ACACA: variants seen among roughly 807,000 people sequenced by gnomAD.
ACACA encodes the protein acetyl-CoA carboxylase alpha.
A neutral mutation model predicts 296.1 loss-of-function variants in ACACA; 103 were observed. That is an observed-to-expected ratio of 0.35 (90% CI 0.30 to 0.41). The LOEUF is 0.41. ACACA is among the 10% of genes least tolerant of loss of function. The pLI, the probability that ACACA is intolerant of heterozygous loss-of-function variation, is 1.00. For missense variants in ACACA, 1,554 were observed against 2,989.7 expected (o/e 0.52, Z 11.20); for synonymous variants, 953 against 1,038.6 (o/e 0.92, Z 1.58).
At position 37,263,680 on chromosome 17, in the gene ACACA, T is replaced by C. The variant is rs2081617342; in HGVS notation, c.1329+5A>G. Reference sequence around the variant, plus strand: ...AACATAAAGTAAGCCTTTTAATATATGTACCTGTTCCATGTGTTCAAATAC... The same window carrying C: ...AACATAAAGTAAGCCTTTTAATATACGTACCTGTTCCATGTGTTCAAATAC... On this transcript the variant is annotated splice_donor_5th_base_variant and intron_variant, in intron 11 of 55. Coordinates refer to ENST00000616317, the MANE Select transcript of ACACA (RefSeq NM_198834.3). The C allele has an allele frequency of 6.2e-7, 1 of 1,611,976 alleles. No homozygotes were observed. The highest frequency in any genetic ancestry group is 1.7e-4 in the Middle Eastern group (1 of 5,968).
intron 1 of ACACA, chr17:37,375,989 C>G: frequency 1.1e-6 from 1 of 920,128 alleles, no homozygotes; most frequent in Non-Finnish European, 1.7e-6. Flanking sequence ...CAGGGTCAAA[C>G]TTGGTTCCAG....
At chr17:37,208,502 T>C (rs1219786044) in intron 30 of ACACA, among the ~76,000 whole-genome samples, 1 of 152,146 alleles carries the variant, frequency 6.6e-6, no homozygotes, top group Non-Finnish European at 1.5e-5. Context: ...CGTTTTTCTT[T>C]TCATAGTTAA....
Position 37,087,064 on chromosome 17 carries a change from C to T in ACACA, c.*252G>A, listed in dbSNP as rs770857212. The T allele has an allele frequency of 5.1e-6, 3 of 590,730 alleles. No homozygotes were observed. Among genetic ancestry groups the T allele is most frequent in the Non-Finnish European group, 9.1e-6 (3 of 330,164 alleles). The allele number at this position is 590,730 out of a possible 1,614,324, so 36.6% of individuals were successfully genotyped here. ...CTTTCATTGCCTTCTCAGTCCTGTG[C>T]AGGGAGTGGAGGACTAGGCCTGGCC... On this transcript the variant is annotated 3_prime_UTR_variant, in exon 56 of 56. Coordinates refer to ENST00000616317, the MANE Select transcript of ACACA (RefSeq NM_198834.3).
intron 39 of ACACA, among the ~76,000 whole-genome samples, chr17:37,183,806 AAAAG>A (rs1567778557): frequency 1.3e-5 from 2 of 151,108 alleles, no homozygotes; most frequent in Non-Finnish European, 2.9e-5. Context: ...GGAAAAAAAA[AAAAG>A]AAAGAAAGAA....
At chr17:37,184,913 A>G (rs964595947) in intron 39 of ACACA, among the ~76,000 whole-genome samples, 1 of 152,198 alleles carries the variant, frequency 6.6e-6, no homozygotes, top group Non-Finnish European at 1.5e-5. Context: ...ACATACACAT[A>G]ATCTATGCAA....
chr17:37,090,529 C>T (rs910468999), intron 54 of ACACA, among the ~76,000 whole-genome samples: 1 of 152,096 alleles, frequency 6.6e-6, no homozygotes, highest in Non-Finnish European at 1.5e-5. Flanking sequence ...TGTGTGGCCC[C>T]GTCAGTGCAA....
chr17:37,132,962 G>C (rs138174433), intron 45 of ACACA, among the ~76,000 whole-genome samples: 36 of 152,270 alleles, frequency 2.4e-4, no homozygotes, highest in African/African-American at 8.2e-4. Context: ...TGATGCTTTG[G>C]CATTGTTCTG....
At chr17:37,122,207 T>C (rs2074560191) in intron 49 of ACACA, among the ~76,000 whole-genome samples, 2 of 152,228 alleles carry the variant, frequency 1.3e-5, no homozygotes, top group Non-Finnish European at 1.5e-5. Flanking sequence ...CTCTTCCATG[T>C]GTATACTCAG....
intron 14 of ACACA, among the ~76,000 whole-genome samples, chr17:37,254,090 G>A (rs761482770): frequency 3.3e-5 from 5 of 151,502 alleles, no homozygotes; most frequent in Non-Finnish European, 7.4e-5. Flanking sequence ...TACTAATTAT[G>A]TACCTCATAC....
chr17:37,178,820 A>G (rs1233973505), intron 41 of ACACA, among the ~76,000 whole-genome samples: 1 of 152,084 alleles, frequency 6.6e-6, no homozygotes, highest in Non-Finnish European at 1.5e-5. Context: ...AAAAAGAAAA[A>G]AAGAAAATCC....
intron 52 of ACACA, among the ~76,000 whole-genome samples, chr17:37,105,596 G>C (rs1299032929): frequency 6.6e-6 from 1 of 152,106 alleles, no homozygotes; most frequent in Non-Finnish European, 1.5e-5. Flanking sequence ...CAGGCACGGT[G>C]GCTCATGCCT....
At chr17:37,288,550 T>TAATGGTTACATGGGTAG (rs1264839345) in intron 3 of ACACA, among the ~76,000 whole-genome samples, 1 of 152,188 alleles carries the variant, frequency 6.6e-6, no homozygotes, top group Non-Finnish European at 1.5e-5. Flanking sequence ...GATCTCATAG[T>TAATGGTTACATGGGTAG]AATGGTTACA....
At chr17:37,347,332 T>G (rs2048673375) in intron 1 of ACACA, among the ~76,000 whole-genome samples, 1 of 152,172 alleles carries the variant, frequency 6.6e-6, no homozygotes, top group South Asian at 2.1e-4. Flanking sequence ...CTTTCTTTTG[T>G]AAATTGTCCA....
intron 49 of ACACA, among the ~76,000 whole-genome samples, chr17:37,122,282 A>G (rs993348638): frequency 6.6e-6 from 1 of 152,192 alleles, no homozygotes; most frequent in African/African-American, 2.4e-5. Flanking sequence ...CATCTCCCCA[A>G]CAAAAGTATA....
intron 41 of ACACA, among the ~76,000 whole-genome samples, chr17:37,177,550 C>CA (rs1217279572): frequency 6.6e-6 from 1 of 152,088 alleles, no homozygotes; most frequent in Non-Finnish European, 1.5e-5. Context: ...TTCACGTGGC[C>CA]AAAAATCTCA....
intron 3 of ACACA, among the ~76,000 whole-genome samples, chr17:37,292,929 A>G (rs1201171865): frequency 6.6e-6 from 1 of 152,258 alleles, no homozygotes; most frequent in Non-Finnish European, 1.5e-5. Flanking sequence ...CTACCCGTGC[A>G]AAACAGGAAA....
At chr17:37,250,752 A>G (rs778947669) in intron 16 of ACACA, among the ~76,000 whole-genome samples, 3 of 151,902 alleles carry the variant, frequency 2.0e-5, no homozygotes, top group South Asian at 2.1e-4. Flanking sequence ...GCAGCCGGGC[A>G]CGGTGGCTCA....
chr17:37,147,173 G>A (rs77727872), intron 45 of ACACA, among the ~76,000 whole-genome samples: 3,080 of 152,130 alleles, frequency 0.02, 103 homozygotes, highest in African/African-American at 0.07. Flanking sequence ...CTGTATATAA[G>A]CTTGCATGTC....
In ACACA at chr17:37,226,453, C is replaced by T; in HGVS notation, c.3247-1G>A. The T allele has an allele frequency of 6.2e-7, 1 of 1,609,794 alleles. No homozygotes were observed. The highest frequency in any genetic ancestry group is 8.5e-7 in the Non-Finnish European group (1 of 1,176,260). ...TAGGGTCCCGGCCACACAACTGATC[C>T]TAATTGTTAATGTAAAAAAGAACAT... On this transcript the variant is annotated splice_acceptor_variant, in intron 25 of 55. Coordinates refer to ENST00000616317, the MANE Select transcript of ACACA (RefSeq NM_198834.3). LOFTEE classifies it high-confidence loss of function.
Sources: gnomAD v4.1 joint callset for allele counts (sites outside exome capture counted in the v4.1 genomes callset) on GRCh38, gnomAD v4.1.1 for gene constraint, MANE v1.5 for transcripts, NCBI Gene and HGNC (gene_info 2026-07-23, HGNC 2026-07-21) for gene names.